CDKL5: variants seen among roughly 807,000 people sequenced by gnomAD.
CDKL5 encodes cyclin dependent kinase like 5.
CDKL5 carries 8 observed loss-of-function variants against 61.7 expected under a neutral mutation model. The observed-to-expected ratio is 0.13, with a 90% CI of 0.08 to 0.23. CDKL5 has a LOEUF of 0.23. Ranked by LOEUF, CDKL5 falls within the 10% of genes least tolerant of loss-of-function variation. The pLI, the probability that CDKL5 is intolerant of heterozygous loss-of-function variation, is 1.00. For synonymous variants in CDKL5, 275 were observed against 272.3 expected (o/e 1.01, Z -0.10); for missense variants, 440 against 734.5 (o/e 0.60, Z 4.63).
chrX:18,469,515 G>A, intron 1 of CDKL5, among the ~76,000 whole-genome samples: 1 of 108,096 alleles, frequency 9.3e-6, no homozygotes, highest in East Asian at 2.9e-4. Context: ...GGGCGTGGTG[G>A]TGCATGCCTG....
chrX:18,489,688 T>G (rs1369820610), intron 1 of CDKL5, among the ~76,000 whole-genome samples: 4 of 111,206 alleles, frequency 3.6e-5, no homozygotes, highest in Non-Finnish European at 7.5e-5. Flanking sequence ...TCTACCTTTC[T>G]GGACCAAACC....
At position 18,629,039 on chromosome X, in the gene CDKL5, C is replaced by G; in HGVS notation, c.*282C>G. 1 of 890,371 alleles carries G rather than the reference C, an allele frequency of 1.1e-6. No individual in the cohort carries two copies. The highest frequency in any genetic ancestry group is 5.8e-5 in the East Asian group (1 of 17,205). 73.4% of individuals were successfully genotyped at this position (890,371 alleles called of 1,213,427 possible). A position where few individuals can be genotyped will look rare whatever the true frequency, so the allele number is the denominator to read the frequency against. On this transcript the variant is annotated 3_prime_UTR_variant, in exon 18 of 18. Coordinates refer to ENST00000623535, the MANE Select transcript of CDKL5 (RefSeq NM_001323289.2). ...GCCATTGAGGAAGAAGAAATTCTTG[C>G]CAGTTTCTCCCCTTTACATTCCAGC...
chrX:18,487,404 C>T (rs1921829807), intron 1 of CDKL5, among the ~76,000 whole-genome samples: 1 of 112,528 alleles, frequency 8.9e-6, no homozygotes, highest in Non-Finnish European at 1.9e-5. Context: ...CTCAAGCTAT[C>T]CTTCTGTGTC....
At chrX:18,620,103 T>C (rs1750904184) in intron 16 of CDKL5, 137 bp downstream of exon 16, 1 of 443,112 alleles carries the variant, frequency 2.3e-6, no homozygotes, top group Non-Finnish European at 3.9e-6. Flanking sequence ...ATTATGTCTC[T>C]TTCTGAAATT....
At chrX:18,447,163 G>T (rs1931899446) in intron 1 of CDKL5, among the ~76,000 whole-genome samples, 1 of 111,106 alleles carries the variant, frequency 9.0e-6, no homozygotes, top group Non-Finnish European at 1.9e-5. Context: ...GCATCTAACG[G>T]GTAGAGGCGT....
At position 18,609,617 on chromosome X, in the gene CDKL5, T is replaced by C. The variant is rs182058326; in HGVS notation, c.2152+47T>C. 643 of 1,202,049 alleles carry C rather than the reference T, an allele frequency of 5.3e-4. 1 individual carries two copies. Among genetic ancestry groups the C allele is most frequent in the Non-Finnish European group, 5.1e-4 (452 of 891,638 alleles). ...AACAGGTTCCCCTCTCCTCCCTCTC[T>C]CACTTTATGTGCACACTGCTTTCAC... is the stretch of plus-strand genomic sequence containing the variant. On this transcript the variant is annotated intron_variant, in intron 14 of 17. Coordinates refer to ENST00000623535, the MANE Select transcript of CDKL5 (RefSeq NM_001323289.2).
chrX:18,585,109 C>T (rs1403297877), intron 8 of CDKL5, among the ~76,000 whole-genome samples: 2 of 111,841 alleles, frequency 1.8e-5, no homozygotes, highest in Non-Finnish European at 3.8e-5. Context: ...AAATATTGAA[C>T]CAGACTGAGC....
At chrX:18,513,631 C>T (rs1485820553) in intron 3 of CDKL5, among the ~76,000 whole-genome samples, 2 of 111,748 alleles carry the variant, frequency 1.8e-5, no homozygotes, top group African/African-American at 3.2e-5. Context: ...AAAAAGATAT[C>T]ACTGGATGGA....
At chrX:18,472,084 A>G (rs923530584) in intron 1 of CDKL5, among the ~76,000 whole-genome samples, 1 of 112,118 alleles carries the variant, frequency 8.9e-6, no homozygotes, top group African/African-American at 3.2e-5. Flanking sequence ...ATTGTTGACT[A>G]TAGTCACCCC....
chrX:18,644,205 AT>A (rs374521774), downstream of CDKL5, among the ~76,000 whole-genome samples: 14 of 109,931 alleles, frequency 1.3e-4, no homozygotes, highest in East Asian at 2.8e-4. Context: ...ACTCAGACAA[AT>A]TTTTTTTTTG....
intron 1 of CDKL5, among the ~76,000 whole-genome samples, chrX:18,505,033 C>T (rs1264879841): frequency 9.0e-6 from 1 of 110,672 alleles, no homozygotes; most frequent in Non-Finnish European, 1.9e-5. Context: ...GTGTTGTTAC[C>T]ACTGTTATTC....
At chrX:18,534,065 A>T (rs1365265013) in intron 3 of CDKL5, among the ~76,000 whole-genome samples, 1 of 112,196 alleles carries the variant, frequency 8.9e-6, no homozygotes, top group Non-Finnish European at 1.9e-5. Flanking sequence ...CTCTGGCATC[A>T]GTCTCAGGCT....
intron 3 of CDKL5, among the ~76,000 whole-genome samples, chrX:18,549,762 T>G (rs1358963364): frequency 9.0e-6 from 1 of 111,458 alleles, no homozygotes; most frequent in Non-Finnish European, 1.9e-5. Context: ...GAACTGAAAT[T>G]CAAGGTTTAG....
intron 6 of CDKL5, 125 bp downstream of exon 6, chrX:18,580,093 T>A: frequency 1.7e-6 from 1 of 588,249 alleles, no homozygotes; most frequent in Non-Finnish European, 2.7e-6. Flanking sequence ...TTAAATATAT[T>A]TTGAAAGTGC....
At chrX:18,465,647 C>T (rs1488442173) in intron 1 of CDKL5, among the ~76,000 whole-genome samples, 2 of 110,918 alleles carry the variant, frequency 1.8e-5, no homozygotes, top group African/African-American at 3.3e-5. Flanking sequence ...CCAGCCTGGG[C>T]GATAGAGTGA....
intron 1 of CDKL5, among the ~76,000 whole-genome samples, chrX:18,479,509 C>T (rs974397158): frequency 6.4e-5 from 7 of 108,580 alleles, no homozygotes; most frequent in East Asian, 2.9e-4. Flanking sequence ...TTAGTAGAGA[C>T]GGGGTTTCAC....
intron 1 of CDKL5, among the ~76,000 whole-genome samples, chrX:18,449,102 G>T (rs1007261010): frequency 8.9e-6 from 1 of 111,816 alleles, no homozygotes; most frequent in African/African-American, 3.3e-5. Context: ...TGACCCACCC[G>T]CCTTGGCCTC....
downstream of CDKL5, chrX:18,642,115 G>T: frequency 2.5e-6 from 3 of 1,211,823 alleles, no homozygotes; most frequent in Non-Finnish European, 3.4e-6. Context: ...GCCGCAGCAG[G>T]TTCTGAACCG....
chrX:18,450,849 A>T (rs1931997013), intron 1 of CDKL5, among the ~76,000 whole-genome samples: 2 of 109,429 alleles, frequency 1.8e-5, no homozygotes, highest in South Asian at 7.8e-4. Context: ...TGCTGGGATT[A>T]CAGGTGTGAG....
Sources: allele counts gnomAD v4.1 joint callset (sites outside exome capture counted in the v4.1 genomes callset), GRCh38; gene constraint gnomAD v4.1.1; transcripts MANE v1.5; gene names NCBI Gene and HGNC (gene_info 2026-07-23, HGNC 2026-07-21).